The following MAML2 variants were observed in gnomAD, a reference collection of about 807,000 sequenced individuals.
The protein encoded by MAML2 is mastermind like transcriptional coactivator 2.
MAML2 carries 22 observed loss-of-function variants against 96.1 expected under a neutral mutation model. The observed-to-expected ratio is 0.23, with a 90% CI of 0.16 to 0.33. The LOEUF is 0.33. MAML2 is among the 10% of genes least tolerant of loss of function. MAML2 has a pLI of 1.00. For synonymous variants in MAML2, 561 were observed against 521.3 expected (o/e 1.08, Z -1.04); for missense variants, 1,367 against 1,392.4 (o/e 0.98, Z 0.29).
intron 1 of MAML2, among the ~76,000 whole-genome samples, chr11:96,150,276 C>A (rs1860898680): frequency 1.3e-5 from 2 of 152,332 alleles, no homozygotes; most frequent in South Asian, 4.1e-4. Flanking sequence ...TCTCACGAAG[C>A]TCAGCTTCAA....
intron 2 of MAML2, among the ~76,000 whole-genome samples, chr11:96,087,188 C>A (rs1468658784): frequency 1.3e-5 from 2 of 152,144 alleles, no homozygotes; most frequent in Non-Finnish European, 2.9e-5. Flanking sequence ...TTAAAACCAA[C>A]CAACCAACAG....
chr11:96,020,869 T>C (rs1247554349), intron 2 of MAML2, among the ~76,000 whole-genome samples: 1 of 152,172 alleles, frequency 6.6e-6, no homozygotes, highest in African/African-American at 2.4e-5. Context: ...TACCTTTAAG[T>C]CACGAGAACT....
At chr11:96,020,459 G>A (rs1858419955) in intron 2 of MAML2, among the ~76,000 whole-genome samples, 1 of 152,138 alleles carries the variant, frequency 6.6e-6, no homozygotes, top group African/African-American at 2.4e-5. Context: ...GCTAGGTCAG[G>A]ACTTTGCAAA....
At chr11:96,110,066 C>A (rs1330542446) in intron 1 of MAML2, among the ~76,000 whole-genome samples, 1 of 152,094 alleles carries the variant, frequency 6.6e-6, no homozygotes, top group Non-Finnish European at 1.5e-5. Flanking sequence ...AGGGAGTGAG[C>A]AACCTCGTCA....
chr11:96,151,281 G>A (rs1860916964), intron 1 of MAML2, among the ~76,000 whole-genome samples: 1 of 152,158 alleles, frequency 6.6e-6, no homozygotes, highest in South Asian at 2.1e-4. Context: ...CTAAAATGCA[G>A]CGTCTTTCTT....
chr11:96,266,612 G>C (rs919470065), intron 1 of MAML2, among the ~76,000 whole-genome samples: 1 of 151,986 alleles, frequency 6.6e-6, no homozygotes, highest in African/African-American at 2.4e-5. Flanking sequence ...GCGATTCTGA[G>C]CTTCACTGAC....
intron 1 of MAML2, among the ~76,000 whole-genome samples, chr11:96,182,873 T>G (rs944199064): frequency 2.6e-5 from 4 of 152,178 alleles, no homozygotes; most frequent in Non-Finnish European, 4.4e-5. Flanking sequence ...AGAGTTTTTT[T>G]TTGTTGTCGC....
At chr11:96,185,446 A>G (rs1187293234) in intron 1 of MAML2, among the ~76,000 whole-genome samples, 5 of 152,170 alleles carry the variant, frequency 3.3e-5, no homozygotes, top group Non-Finnish European at 7.3e-5. Context: ...AGGCTCGACC[A>G]TGTTCATGGA....
intron 1 of MAML2, among the ~76,000 whole-genome samples, chr11:96,188,398 C>T (rs1861604393): frequency 6.6e-6 from 1 of 152,164 alleles, no homozygotes; most frequent in South Asian, 2.1e-4. Context: ...TTAAGCAATC[C>T]TTCCCTTCCC....
chr11:96,180,842 C>G (rs563660695), intron 1 of MAML2, among the ~76,000 whole-genome samples: 1 of 151,602 alleles, frequency 6.6e-6, no homozygotes. Flanking sequence ...AAAGAGTCAG[C>G]GAAGGGAGAT....
intron 1 of MAML2, among the ~76,000 whole-genome samples, chr11:96,123,318 C>T (rs767760020): frequency 6.0e-5 from 9 of 150,052 alleles, no homozygotes; most frequent in Admixed American, 2.0e-4. Flanking sequence ...TTTTTTTTCA[C>T]GTATCTGCCT....
At chr11:96,114,875 A>G (rs1289377384) in intron 1 of MAML2, among the ~76,000 whole-genome samples, 4 of 152,210 alleles carry the variant, frequency 2.6e-5, no homozygotes, top group Non-Finnish European at 5.9e-5. Context: ...AAAGAAATAA[A>G]CAGGAGTAGG....
At chr11:96,192,567 A>G (rs886092108) in intron 1 of MAML2, among the ~76,000 whole-genome samples, 1 of 152,262 alleles carries the variant, frequency 6.6e-6, no homozygotes, top group Non-Finnish European at 1.5e-5. Flanking sequence ...TTTTATAATC[A>G]TGTCCCTGTC....
intron 1 of MAML2, among the ~76,000 whole-genome samples, chr11:96,242,177 G>A (rs1373799831): frequency 6.6e-6 from 1 of 152,126 alleles, no homozygotes; most frequent in African/African-American, 2.4e-5. Flanking sequence ...CTGTTGCTTG[G>A]TTTAAAATTA....
intron 1 of MAML2, among the ~76,000 whole-genome samples, chr11:96,108,310 T>A (rs992691212): frequency 6.6e-6 from 1 of 152,242 alleles, no homozygotes; most frequent in Non-Finnish European, 1.5e-5. Context: ...GAAAACACAC[T>A]TTGGCTGTCT....
chr11:96,059,515 A>C (rs959924251), intron 2 of MAML2, among the ~76,000 whole-genome samples: 4 of 152,242 alleles, frequency 2.6e-5, no homozygotes, highest in African/African-American at 4.8e-5. Context: ...TAAACATAGA[A>C]GTGAATAAAA....
In MAML2 at chr11:96,076,241, A is replaced by G. The variant is rs112232052; in HGVS notation, c.2139+15651T>C. On this transcript the variant is annotated intron_variant, in intron 2 of 4. Transcript: ENST00000524717. ...ATGAATGGTGTGCATCATGTATTGT[A>G]TGCATGAGCAGAAACACCAGCCTTG... Among the ~76,000 whole-genome samples the G allele has an allele frequency of 9.9e-3, 1,511 of 152,284 alleles. 23 individuals are homozygous for G. Among genetic ancestry groups the G allele is most frequent in the South Asian group, 0.037 (181 of 4,828 alleles).
chr11:96,160,535 C>G (rs1385677440), intron 1 of MAML2, among the ~76,000 whole-genome samples: 2 of 151,354 alleles, frequency 1.3e-5, no homozygotes, highest in African/African-American at 4.9e-5. Context: ...TCAAGTGATT[C>G]TCCTGCCTCA....
intron 1 of MAML2, among the ~76,000 whole-genome samples, chr11:96,316,183 C>A (rs1863630733): frequency 6.6e-6 from 1 of 152,168 alleles, no homozygotes; most frequent in African/African-American, 2.4e-5. Context: ...TTCCTTTATA[C>A]CCTATCTTCT....
Sources: allele counts gnomAD v4.1 joint callset (sites outside exome capture counted in the v4.1 genomes callset), GRCh38; gene constraint gnomAD v4.1.1; transcripts MANE v1.5; gene names NCBI Gene and HGNC (gene_info 2026-07-23, HGNC 2026-07-21).